OTOGL: variants seen among roughly 807,000 people sequenced by gnomAD.
The protein encoded by OTOGL is otogelin-like protein.
In OTOGL, 285 loss-of-function variants were observed where a neutral mutation model predicts 318.5. The ratio of observed to expected loss-of-function variants is 0.89; its 90% confidence interval spans 0.81 to 0.99. OTOGL has a LOEUF of 0.99. Among genes scored for constraint, OTOGL ranks in the 50% least tolerant of loss-of-function variants. The pLI is 0.00. For missense variants in OTOGL, 2,899 were observed against 2,845.6 expected, an observed-to-expected ratio of 1.02 and a Z score of -0.43; for synonymous variants, 987 against 936.5, an observed-to-expected ratio of 1.05 and a Z score of -0.99.
chr12:80,304,569 A>T (rs1399984151), intron 28 of OTOGL, among the ~76,000 whole-genome samples: 1 of 152,202 alleles, frequency 6.6e-6, no homozygotes, highest in Non-Finnish European at 1.5e-5. Flanking sequence ...ATATGATTGT[A>T]TATTGAAGTT....
intron 32 of OTOGL, among the ~76,000 whole-genome samples, chr12:80,317,136 A>T (rs1170430825): frequency 6.6e-6 from 1 of 152,152 alleles, no homozygotes; most frequent in Non-Finnish European, 1.5e-5. Flanking sequence ...CTATTTCTGT[A>T]GGTGAGGGAG....
intron 1 of OTOGL, among the ~76,000 whole-genome samples, chr12:80,147,210 C>G (rs1408049456): frequency 2.0e-5 from 3 of 151,370 alleles, no homozygotes; most frequent in African/African-American, 2.4e-5. Context: ...AAATTTCCCT[C>G]TACACACTGC....
intron 52 of OTOGL, among the ~76,000 whole-genome samples, chr12:80,360,357 C>T (rs1444238488): frequency 6.8e-6 from 1 of 146,674 alleles, no homozygotes; most frequent in African/African-American, 2.5e-5. Flanking sequence ...TCCCTCTCTC[C>T]CTCTCACTCC....
intron 9 of OTOGL, among the ~76,000 whole-genome samples, chr12:80,236,974 C>T (rs1490948749): frequency 6.6e-6 from 1 of 151,786 alleles, no homozygotes; most frequent in Non-Finnish European, 1.5e-5. Flanking sequence ...ACCACCATGC[C>T]TGGCTAATTT....
intron 32 of OTOGL, 30 bp from the exon 33 acceptor site, chr12:80,318,516 T>C: frequency 8.3e-7 from 1 of 1,210,780 alleles, no homozygotes; most frequent in Non-Finnish European, 1.1e-6. Flanking sequence ...TCTATGCCAA[T>C]TTATAATTCT....
intron 1 of OTOGL, among the ~76,000 whole-genome samples, chr12:80,129,542 A>C (rs371058845): frequency 4.6e-5 from 7 of 152,306 alleles, no homozygotes; most frequent in Admixed American, 1.3e-4. Flanking sequence ...ACCATTTTAC[A>C]GTTTACTTTT....
chr12:80,240,034 C>T (rs562467783), intron 11 of OTOGL, among the ~76,000 whole-genome samples: 4 of 152,180 alleles, frequency 2.6e-5, no homozygotes, highest in African/African-American at 9.6e-5. Context: ...CAGTTTCATC[C>T]ATGTTGTTGC....
At chr12:80,110,213 G>A (rs1257573879) in intron 1 of OTOGL, among the ~76,000 whole-genome samples, 1 of 151,652 alleles carries the variant, frequency 6.6e-6, no homozygotes, top group Non-Finnish European at 1.5e-5. Flanking sequence ...GACTACAGGC[G>A]CCCGCCACCA....
At chr12:80,124,376 T>C (rs7980081) in intron 1 of OTOGL, among the ~76,000 whole-genome samples, 31,434 of 152,114 alleles carry the variant, frequency 0.21, 3,525 homozygotes, top group Middle Eastern at 0.31. Context: ...CTGAGGGCTC[T>C]GTTCTGTTCC....
chr12:80,151,174 C>T (rs1333493838), intron 1 of OTOGL, among the ~76,000 whole-genome samples: 2 of 152,194 alleles, frequency 1.3e-5, no homozygotes, highest in Non-Finnish European at 1.5e-5. Flanking sequence ...ATTGAATAAG[C>T]CATCCTACAT....
At chr12:80,151,242 G>A (rs1872763477) in intron 1 of OTOGL, among the ~76,000 whole-genome samples, 2 of 152,106 alleles carry the variant, frequency 1.3e-5, no homozygotes, top group South Asian at 4.1e-4. Context: ...TAAGATTTAG[G>A]ATAGGAAGCA....
intron 26 of OTOGL, among the ~76,000 whole-genome samples, chr12:80,295,323 C>T (rs1171687582): frequency 2.6e-5 from 4 of 151,902 alleles, no homozygotes; most frequent in Admixed American, 2.0e-4. Flanking sequence ...ACTACAGGTG[C>T]GTGCCACCAT....
rs775260168 is a variant in OTOGL, at chr12:80,313,559, T to A, written c.3534T>A (p.Thr1178=). 2 of 1,611,906 alleles carry A rather than the reference T, an allele frequency of 1.2e-6. No individual in the cohort carries two copies. The highest frequency in any genetic ancestry group is 3.3e-5 in the Admixed American group (2 of 60,024). ...GTGGCGACTGTGAGTGTTTGTGCAC[T>A]AGTATAGCTGCATATGCATACAAGT... is the stretch of plus-strand genomic sequence containing the variant. ...NLGGDCECLC[T]SIAAYAYKCC... The change falls in exon 31 of 59, where the codon ACT becomes ACA. Residue 1178 remains threonine, a synonymous_variant. Transcript: ENST00000547103.
Position 80,302,772 on chromosome 12 carries a change from C to T in OTOGL, c.3202C>T (p.Pro1068Ser). ...RKTTIHIKVG[P>S]QWKNKLSGLC... is the part of the protein sequence containing the mutation. ...GACAACTATTCATATCAAAGTTGGG[C>T]CACAGTGGAAGGTAGGTCAACCTAA... Residue 1068 changes from proline (P) to serine (S), a missense_variant, in exon 28 of 59, where the codon CCA (proline) becomes TCA (serine). Transcript: ENST00000547103. The T allele has an allele frequency of 6.6e-7, 1 of 1,504,050 alleles. No individual in the cohort carries two copies. The highest frequency in any genetic ancestry group is 8.8e-7 in the Non-Finnish European group (1 of 1,133,208). 93.2% of individuals were successfully genotyped at this position (1,504,050 alleles called of 1,614,324 possible).
intron 1 of OTOGL, among the ~76,000 whole-genome samples, chr12:80,141,154 C>T (rs1035648195): frequency 6.6e-6 from 1 of 151,936 alleles, no homozygotes; most frequent in Admixed American, 6.6e-5. Flanking sequence ...TGTCACATTC[C>T]CCGAGTTCTT....
chr12:80,173,071 A>G (rs1357696705), intron 1 of OTOGL, among the ~76,000 whole-genome samples: 1 of 152,134 alleles, frequency 6.6e-6, no homozygotes, highest in Non-Finnish European at 1.5e-5. Flanking sequence ...CACATTCGGA[A>G]CATGTACCCC....
At chr12:80,146,108 G>C (rs993439114) in intron 1 of OTOGL, among the ~76,000 whole-genome samples, 6 of 150,332 alleles carry the variant, frequency 4.0e-5, no homozygotes, top group African/African-American at 1.5e-4. Flanking sequence ...AATAGGAGCG[G>C]TGAGAGAGGG....
intron 1 of OTOGL, chr12:80,103,092 T>C (rs948362614): frequency 4.5e-6 from 5 of 1,114,262 alleles, no homozygotes; most frequent in African/African-American, 1.5e-5. Context: ...CCATTCAATG[T>C]AGATAACATA....
chr12:80,337,923 C>A (rs1888514954), intron 42 of OTOGL, among the ~76,000 whole-genome samples: 1 of 151,986 alleles, frequency 6.6e-6, no homozygotes, highest in African/African-American at 2.4e-5. Context: ...GATATACTTA[C>A]AGGAAGTGGG....
Sources: allele counts gnomAD v4.1 joint callset (sites outside exome capture counted in the v4.1 genomes callset), GRCh38; gene constraint gnomAD v4.1.1; transcripts MANE v1.5; gene names NCBI Gene and HGNC (gene_info 2026-07-23, HGNC 2026-07-21).